The following ANO2 variants were observed in gnomAD, a reference collection of about 807,000 sequenced individuals.
ANO2 encodes the protein anoctamin-2.
A neutral mutation model predicts 124.2 loss-of-function variants in ANO2; 101 were observed. That is an observed-to-expected ratio of 0.81 (90% CI 0.69 to 0.96). The LOEUF is 0.96. Ranked by LOEUF, ANO2 falls within the 40% of genes least tolerant of loss-of-function variation. ANO2 has a pLI of 0.00. For synonymous variants in ANO2, 486 were observed against 482.5 expected (o/e 1.01, Z -0.09); for missense variants, 1,293 against 1,274.5 (o/e 1.01, Z -0.22).
Position 5,599,468 on chromosome 12 carries a change from G to T in ANO2, c.2233+16C>A. ...TGAACCTGCCCCCAGTGGAAGGCAG[G>T]ACCATGGGTTCTCACTCATTTCCAT... On this transcript the variant is annotated intron_variant, in intron 20 of 24. Transcript: ENST00000682330. 1.3e-6 allele frequency: 2 copies of T among 1,595,886 alleles called. No individual in the cohort carries two copies. The highest frequency in any genetic ancestry group is 1.7e-6 in the Non-Finnish European group (2 of 1,174,696).
chr12:5,676,179 T>C (rs932695425), intron 14 of ANO2, among the ~76,000 whole-genome samples: 16 of 152,188 alleles, frequency 1.1e-4, no homozygotes, highest in African/African-American at 3.6e-4. Context: ...GGGGAAGATG[T>C]TCTCTGGGCA....
In ANO2 at chr12:5,641,815, A is replaced by C. The variant is rs536544034; in HGVS notation, c.1620+5912T>G. Among the ~76,000 whole-genome samples the C allele has an allele frequency of 1.5e-3, 222 of 152,350 alleles. 1 individual carries two copies. The highest frequency in any genetic ancestry group is 5.1e-3 in the African/African-American group (211 of 41,590). On this transcript the variant is annotated intron_variant, in intron 15 of 24. Transcript: ENST00000682330. ...GGAAAGGGAAGATTTTACAAAGGAG[A>C]GATAATTATGTATTATTTGTGAACA...
chr12:5,879,594 G>A (rs1938345708), intron 3 of ANO2, among the ~76,000 whole-genome samples: 2 of 152,170 alleles, frequency 1.3e-5, no homozygotes, highest in Admixed American at 1.3e-4. Context: ...AATACAAGTG[G>A]GGAAGAGGAA....
intron 11 of ANO2, among the ~76,000 whole-genome samples, chr12:5,748,410 G>T (rs373689585): frequency 6.6e-6 from 1 of 152,176 alleles, no homozygotes; most frequent in Admixed American, 6.5e-5. Context: ...GCAAGCCCAC[G>T]TGAAGCTACT....
rs887752710 is a variant in ANO2, at chr12:5,646,567, T to C, written c.1620+1160A>G. ...AGCACATCGTTTGACTCATTAAATA[T>C]TGAATGAATGAATAAACTCTTTAAC... is the stretch of plus-strand genomic sequence containing the variant. On this transcript the variant is annotated intron_variant, in intron 15 of 24. Transcript: ENST00000682330. Among the ~76,000 whole-genome samples the C allele has an allele frequency of 2.6e-5, 4 of 152,324 alleles. No homozygotes were observed. In the South Asian group the frequency reaches 6.2e-4, roughly 24 times the overall value.
intron 14 of ANO2, among the ~76,000 whole-genome samples, chr12:5,664,794 T>C (rs1454022824): frequency 6.6e-6 from 1 of 152,218 alleles, no homozygotes; most frequent in African/African-American, 2.4e-5. Flanking sequence ...GCATAGCCTC[T>C]CTCTCTCTTT....
chr12:5,663,150 T>G (rs964043053), intron 14 of ANO2, among the ~76,000 whole-genome samples: 1 of 152,130 alleles, frequency 6.6e-6, no homozygotes, highest in African/African-American at 2.4e-5. Flanking sequence ...GGCCCAGTGC[T>G]CTCCGTGTCC....
rs1287789627 is a variant in ANO2, at chr12:5,900,944, T to C, written c.534+20096A>G. Among the ~76,000 whole-genome samples, 1 of 152,212 alleles carries C rather than the reference T, an allele frequency of 6.6e-6. No homozygotes were observed. The highest frequency in any genetic ancestry group is 2.4e-5 in the African/African-American group (1 of 41,450). ...CTGCCGGCAGCACTTTGATGGCTTTTTGTATTCATCAATTCAGACGTTCTC... is the reference window on the plus strand; with the variant it reads ...CTGCCGGCAGCACTTTGATGGCTTTCTGTATTCATCAATTCAGACGTTCTC... On this transcript the variant is annotated intron_variant, in intron 3 of 24. Transcript: ENST00000682330. The surrounding 1 kb of genome is among the most constrained non-coding windows in gnomAD (Gnocchi z 4.2).
chr12:5,935,441 G>C (rs979651830), intron 1 of ANO2, among the ~76,000 whole-genome samples: 2 of 152,304 alleles, frequency 1.3e-5, no homozygotes, highest in Admixed American at 1.3e-4. Flanking sequence ...ATAATAACTA[G>C]TGGGGGAAAA....
At chr12:5,830,348 G>T in intron 6 of ANO2, 87 bp downstream of exon 6, 1 of 1,350,022 alleles carries the variant, frequency 7.4e-7, no homozygotes, top group Non-Finnish European at 1.0e-6. Flanking sequence ...GTGTGAGGTG[G>T]CAGGGAGGGT....
At chr12:5,615,601 A>T (rs554883860) in intron 16 of ANO2, among the ~76,000 whole-genome samples, 1 of 152,198 alleles carries the variant, frequency 6.6e-6, no homozygotes, top group African/African-American at 2.4e-5. Flanking sequence ...GAGCATGCAG[A>T]GCTTGCAACC....
intron 4 of ANO2, chr12:5,851,839 G>A (rs1311484329): frequency 4.3e-6 from 3 of 689,764 alleles, no homozygotes; most frequent in Admixed American, 2.1e-5. Flanking sequence ...AAGCAAAGAG[G>A]GAAAATAAGC....
At chr12:5,752,743 G>A (rs921441485) in intron 10 of ANO2, among the ~76,000 whole-genome samples, 8 of 152,092 alleles carry the variant, frequency 5.3e-5, no homozygotes, top group African/African-American at 1.9e-4. Context: ...ATTCCCATTT[G>A]TCTATTTTTG....
chr12:5,584,876 C>T (rs1241116390), intron 20 of ANO2, among the ~76,000 whole-genome samples: 1 of 152,194 alleles, frequency 6.6e-6, no homozygotes, highest in African/African-American at 2.4e-5. Context: ...ACTCACCATC[C>T]ACTCACTCAT....
In ANO2 at chr12:5,812,305, GAGGA is replaced by G. The variant is rs528082792; in HGVS notation, c.893-4941_893-4938del. Among the ~76,000 whole-genome samples the G allele has an allele frequency of 5.7e-3, 680 of 119,570 alleles. 12 individuals are homozygous for G. Among genetic ancestry groups the G allele is most frequent in the African/African-American group, 0.02 (628 of 31,750 alleles). 78.4% of individuals were successfully genotyped at this position (119,570 alleles called of 152,430 possible). ...AACACAGGGCAGGGGAAAGAAAGAA[GAGGA>G]AGGAAGGAAGGGAGGGAGGGAGGGA... On this transcript the variant is annotated intron_variant, in intron 7 of 24. Transcript: ENST00000682330.
At chr12:5,575,692 C>T (rs921707177) in intron 23 of ANO2, 142 bp downstream of exon 23, 173 of 917,196 alleles carry the variant, frequency 1.9e-4, no homozygotes, top group Admixed American at 4.4e-4. Context: ...TATAATCTTA[C>T]GGGACAATCG....
At chr12:5,935,774 C>G (rs971227873) in intron 1 of ANO2, among the ~76,000 whole-genome samples, 2 of 152,088 alleles carry the variant, frequency 1.3e-5, no homozygotes, top group African/African-American at 4.8e-5. Flanking sequence ...TTAGAATCAC[C>G]CAAGAAGGTT....
At chr12:5,677,044 ACT>A (rs1442305149) in intron 14 of ANO2, among the ~76,000 whole-genome samples, 1 of 151,562 alleles carries the variant, frequency 6.6e-6, no homozygotes, top group Non-Finnish European at 1.5e-5. Context: ...ACAGAGTAAG[ACT>A]CTGTCTCAAA....
chr12:5,686,045 G>A (rs1276982095), intron 14 of ANO2, among the ~76,000 whole-genome samples: 3 of 152,188 alleles, frequency 2.0e-5, no homozygotes, highest in Admixed American at 6.5e-5. Context: ...GTATCAGGCA[G>A]CAGAGACAAG....
Sources: allele counts gnomAD v4.1 joint callset (sites outside exome capture counted in the v4.1 genomes callset), GRCh38; gene constraint gnomAD v4.1.1; non-coding constraint Gnocchi (gnomAD v3.1); transcripts MANE v1.5; gene names NCBI Gene and HGNC (gene_info 2026-07-23, HGNC 2026-07-21).